Variants in TBC1D19 observed in about 807,000 individuals in gnomAD.
TBC1D19 encodes TBC1 domain family member 19, also known as TBC1 domain family, member 19.
TBC1D19 carries 60 observed loss-of-function variants against 89.0 expected under a neutral mutation model. The ratio of observed to expected loss-of-function variants is 0.67; its 90% CI spans 0.55 to 0.84. TBC1D19 has a LOEUF of 0.84. Among genes scored for constraint, TBC1D19 ranks in the 40% least tolerant of loss-of-function variants. TBC1D19 has a pLI of 0.00. For synonymous variants in TBC1D19, 189 were observed against 199.7 expected, an observed-to-expected ratio of 0.95 and a Z score of 0.45; for missense variants, 500 against 610.8, an observed-to-expected ratio of 0.82 and a Z score of 1.91.
intron 7 of TBC1D19, among the ~76,000 whole-genome samples, chr4:26,641,567 G>A (rs867929992): frequency 2.6e-5 from 4 of 152,212 alleles, no homozygotes; most frequent in South Asian, 4.1e-4. Context: ...AAAGCAGGAC[G>A]GAGAATGACT....
At chr4:26,611,508 C>T (rs189807443) in intron 1 of TBC1D19, among the ~76,000 whole-genome samples, 99 of 152,202 alleles carry the variant, frequency 6.5e-4, no homozygotes, top group African/African-American at 2.3e-3. Flanking sequence ...TCATCAGACT[C>T]AGGTATTATC....
chr4:26,806,388 T>C, the TBC1D19 span, among the ~76,000 whole-genome samples: 1 of 152,228 alleles, frequency 6.6e-6, no homozygotes, highest in African/African-American at 2.4e-5. Flanking sequence ...AGGGTTGCTA[T>C]GAGGATCATG....
At chr4:26,623,007 C>T (rs909184200) in intron 4 of TBC1D19, among the ~76,000 whole-genome samples, 8 of 152,146 alleles carry the variant, frequency 5.3e-5, no homozygotes, top group Non-Finnish European at 8.8e-5. Context: ...CTGATTACCT[C>T]CCCTATCAGT....
intron 9 of TBC1D19, among the ~76,000 whole-genome samples, chr4:26,670,621 C>T (rs1199567777): frequency 2.6e-5 from 4 of 151,576 alleles, no homozygotes; most frequent in Non-Finnish European, 4.4e-5. Flanking sequence ...CACGTATATA[C>T]AGATCAGTGA....
rs1407368530 is a variant in TBC1D19 at position 26,720,079 on chromosome 4, A to G, written c.1040-2A>G. The stretch of plus-strand genomic sequence containing the variant: ...GAAATCCTCTATGGTTTTCTCTTAT[A>G]GGAAAACTAGGACTGGAAGAATATG... On this transcript the variant is annotated splice_acceptor_variant, in intron 14 of 20. Transcript: ENST00000264866. LOFTEE classifies it high-confidence loss of function. The G allele has an allele frequency of 1.3e-6, 2 of 1,597,950 alleles. No individual in the cohort carries two copies. The highest frequency in any genetic ancestry group is 3.5e-5 in the Admixed American group (2 of 57,740).
chr4:26,587,370 G>A (rs1289001421), intron 1 of TBC1D19, among the ~76,000 whole-genome samples: 1 of 152,056 alleles, frequency 6.6e-6, no homozygotes, highest in Non-Finnish European at 1.5e-5. Context: ...TTGAGCTCAC[G>A]AGTTTGAGAC....
chr4:26,700,518 G>A (rs60915838), intron 13 of TBC1D19, among the ~76,000 whole-genome samples: 57,152 of 151,844 alleles, frequency 0.38, 11,748 homozygotes, highest in Non-Finnish European at 0.47. Flanking sequence ...AGACTAAACT[G>A]TCTTTATGTA....
intron 8 of TBC1D19, among the ~76,000 whole-genome samples, chr4:26,660,343 A>T (rs1456491520): frequency 6.6e-6 from 1 of 152,202 alleles, no homozygotes; most frequent in Non-Finnish European, 1.5e-5. Context: ...ATGTATTAAG[A>T]TAGAGCACTG....
intron 17 of TBC1D19, among the ~76,000 whole-genome samples, chr4:26,742,266 A>G (rs984667596): frequency 1.3e-5 from 2 of 152,196 alleles, no homozygotes; most frequent in African/African-American, 2.4e-5. Flanking sequence ...TGGGGAGCAT[A>G]TTGTGTAAAA....
downstream of TBC1D19, among the ~76,000 whole-genome samples, chr4:26,759,418 C>CT (rs906159042): frequency 1.2e-4 from 18 of 151,852 alleles, no homozygotes; most frequent in African/African-American, 4.3e-4. Flanking sequence ...TTCAGTCACT[C>CT]TTTTTTTTCA....
the TBC1D19 span, among the ~76,000 whole-genome samples, chr4:26,780,785 C>A: frequency 2.0e-5 from 3 of 152,166 alleles, no homozygotes; most frequent in Non-Finnish European, 1.5e-5. Flanking sequence ...CATTTCCTGG[C>A]CCTGAAGTGA....
At chr4:26,712,638 T>C (rs1352947373) in intron 13 of TBC1D19, among the ~76,000 whole-genome samples, 1 of 152,090 alleles carries the variant, frequency 6.6e-6, no homozygotes, top group Non-Finnish European at 1.5e-5. Flanking sequence ...AGGTAATTTA[T>C]AAAGAAAAGA....
intron 1 of TBC1D19, among the ~76,000 whole-genome samples, chr4:26,590,796 G>GTCTTTTTTTTTTTT (rs1739722411): frequency 1.9e-5 from 1 of 52,958 alleles, no homozygotes; most frequent in Non-Finnish European, 3.1e-5. Context: ...TTGCAGGTCT[G>GTCTTTTTTTTTTTT]TTTTTTTTTT....
chr4:26,817,975 A>ACATATATATATATATATAT, the TBC1D19 span, among the ~76,000 whole-genome samples: 486 of 105,078 alleles, frequency 4.6e-3, 7 homozygotes, highest in African/African-American at 0.014. Flanking sequence ...ATTTAAAAAA[A>ACATATATATATATATATAT]AAAAAAATAT....
At chr4:26,713,326 T>C (rs1408078369) in intron 13 of TBC1D19, among the ~76,000 whole-genome samples, 1 of 152,052 alleles carries the variant, frequency 6.6e-6, no homozygotes, top group African/African-American at 2.4e-5. Context: ...CAACTTAATA[T>C]TCATTTTTAT....
chr4:26,725,991 G>A (rs1717286006), intron 15 of TBC1D19, among the ~76,000 whole-genome samples: 1 of 152,150 alleles, frequency 6.6e-6, no homozygotes, highest in East Asian at 1.9e-4. Context: ...TTAATTACAA[G>A]TGATAAACAA....
intron 6 of TBC1D19, among the ~76,000 whole-genome samples, chr4:26,639,525 CTT>C (rs1350110544): frequency 4.6e-5 from 7 of 151,966 alleles, no homozygotes; most frequent in African/African-American, 1.7e-4. Context: ...CGTTTGAAGA[CTT>C]TAAAATGTTT....
intron 4 of TBC1D19, among the ~76,000 whole-genome samples, chr4:26,624,097 G>C (rs929882954): frequency 5.3e-5 from 8 of 152,090 alleles, no homozygotes; most frequent in Non-Finnish European, 8.8e-5. Context: ...AGTCTCTGCT[G>C]TCTTATAACT....
At chr4:26,828,783 A>G in the TBC1D19 span, among the ~76,000 whole-genome samples, 1 of 152,234 alleles carries the variant, frequency 6.6e-6, no homozygotes. Context: ...TAACAAATAC[A>G]AAGGACTTAG....
Sources: allele counts gnomAD v4.1 joint callset (sites outside exome capture counted in the v4.1 genomes callset), GRCh38; gene constraint gnomAD v4.1.1; transcripts MANE v1.5; gene names NCBI Gene and HGNC (gene_info 2026-07-23, HGNC 2026-07-21).